Variants in CSAG1 observed in about 807,000 individuals in gnomAD.
CSAG1 encodes the protein chondrosarcoma associated gene 1.
In CSAG1, 4 loss-of-function variants were observed where a neutral mutation model predicts 4.8. The observed-to-expected ratio is 0.83, with a 90% CI of 0.41 to 1.90. The LOEUF (loss-of-function observed/expected upper bound fraction) is 1.90, where lower values mean the gene tolerates loss of function less well. Among genes scored for constraint, CSAG1 ranks in the 40% most tolerant of loss-of-function variants. The probability of loss-of-function intolerance (pLI) is 0.03; values close to 1 mark genes in which losing one functional copy is unlikely to be tolerated. For missense variants in CSAG1, 69 were observed against 59.5 expected, an observed-to-expected ratio of 1.16 and a Z score of -0.53; for synonymous variants, 21 against 23.1, an observed-to-expected ratio of 0.91 and a Z score of 0.26.
chrX:152,731,660 A>G (rs1932158027), intron 2 of CSAG1, among the ~76,000 whole-genome samples: 1 of 111,256 alleles, frequency 9.0e-6, no homozygotes, highest in Non-Finnish European at 1.9e-5. Context: ...TACCTTACCT[A>G]AATTAGTAGC....
chrX:152,730,395 T>C (rs868915512), intron 2 of CSAG1, among the ~76,000 whole-genome samples: 888 of 95,432 alleles, frequency 9.3e-3, no homozygotes, highest in African/African-American at 0.014. Context: ...AATACCAAGG[T>C]GATGGTATTA....
intron 2 of CSAG1, among the ~76,000 whole-genome samples, chrX:152,731,117 A>C (rs1454697596): frequency 8.9e-6 from 1 of 112,059 alleles, no homozygotes; most frequent in Admixed American, 9.5e-5. Context: ...CCACGTTATT[A>C]CAGAAGCTCA....
intron 2 of CSAG1, among the ~76,000 whole-genome samples, chrX:152,730,416 G>C (rs1932132745): frequency 9.0e-6 from 1 of 111,654 alleles, no homozygotes; most frequent in Non-Finnish European, 1.9e-5. Flanking sequence ...GGTAGAAGGT[G>C]GGGTATTTGG....
chrX:152,732,334 AG>A, intron 2 of CSAG1, 110 bp downstream of exon 2: 1 of 1,001,006 alleles, frequency 1.0e-6, no homozygotes, highest in Non-Finnish European at 1.3e-6. Flanking sequence ...TGACATATTC[AG>A]GAAAAAATAG....
intron 2 of CSAG1, among the ~76,000 whole-genome samples, chrX:152,730,271 T>C (rs1330694163): frequency 9.0e-6 from 1 of 111,522 alleles, no homozygotes; most frequent in Non-Finnish European, 1.9e-5. Context: ...GGGGGTTATC[T>C]GACAAGCACA....
chrX:152,728,135 T>A lies in CSAG1; in HGVS notation c.106A>T (p.Met36Leu). 8.3e-7 allele frequency: 1 copy of A among 1,211,027 alleles called. No homozygotes were observed. Among genetic ancestry groups the A allele is most frequent in the Non-Finnish European group, 1.1e-6 (1 of 895,187 alleles). The change falls in exon 3 of 4, where the codon ATG (methionine) becomes TTG (leucine). Residue 36 changes from methionine (M) to leucine (L), a missense_variant. Coordinates refer to ENST00000452779, the MANE Select transcript of CSAG1 (RefSeq NM_001102576.3). ...CTGGAGGCTCGTGGTTTCCTGGACA[T>A]CTTCACCAGACCAGTGTCTCTGTAC... ...RLYRDTGLVK[M>L]SRKPRASSPF...
intron 2 of CSAG1, among the ~76,000 whole-genome samples, chrX:152,731,824 T>C (rs1932161957): frequency 8.9e-6 from 1 of 112,090 alleles, no homozygotes. Flanking sequence ...TTTAAAGACA[T>C]TTAATGAGTT....
In CSAG1 at chrX:152,727,566, C is replaced by T. The variant is rs1932038903; in HGVS notation, c.*228G>A. On this transcript the variant is annotated 3_prime_UTR_variant, in exon 4 of 4. Transcript: ENST00000452779. ...TAAAACGTACTCTACACCCTGTTGG[C>T]TATTTATCTGGGGTTAGACTTCTGG... 4.3e-6 allele frequency: 2 copies of T among 460,492 alleles called. No individual in the cohort carries two copies. Among genetic ancestry groups the T allele is most frequent in the South Asian group, 6.5e-5 (2 of 30,583 alleles). 37.9% of individuals were successfully genotyped at this position (460,492 alleles called of 1,213,427 possible).
At chrX:152,732,718 TA>T (rs1252205120) in intron 1 of CSAG1, among the ~76,000 whole-genome samples, 2 of 111,957 alleles carry the variant, frequency 1.8e-5, no homozygotes, top group Admixed American at 1.9e-4. Flanking sequence ...ATGGGTAGAA[TA>T]AAAGTTTTAA....
At chrX:152,728,000 C>A in intron 3 of CSAG1, 74 bp downstream of exon 3, 1 of 1,210,162 alleles carries the variant, frequency 8.3e-7, no homozygotes, top group Non-Finnish European at 1.1e-6. Context: ...GGGTAGGAGT[C>A]AGAGCTTGGG....
At chrX:152,731,056 A>G (rs1401605285) in intron 2 of CSAG1, among the ~76,000 whole-genome samples, 2 of 112,629 alleles carry the variant, frequency 1.8e-5, no homozygotes, top group African/African-American at 3.2e-5. Flanking sequence ...TTCCTTTAAA[A>G]TGCATGTTAA....
intron 2 of CSAG1, among the ~76,000 whole-genome samples, chrX:152,728,497 G>A (rs1417773374): frequency 1.8e-5 from 2 of 111,651 alleles, no homozygotes; most frequent in East Asian, 2.8e-4. Flanking sequence ...ATCTTGCACC[G>A]TACAAAAATG....
chrX:152,728,189 G>T lies in CSAG1; in HGVS notation c.52C>A (p.Arg18=), dbSNP rs1556830822. 77 of 1,209,269 alleles carry T rather than the reference G, an allele frequency of 6.4e-5. 1 individual carries two copies. The highest frequency in any genetic ancestry group is 8.5e-5 in the Non-Finnish European group (76 of 894,844). ...WPAFTVLGEA[R]GDQVDWSRLY... is the part of the protein sequence containing the mutation. ...CTACTCCAGTCCACCTGGTCTCCCC[G>T]AGCTTCCCCCAGGACAGTGAAGGCA... The change falls in exon 3 of 4, where the codon CGG becomes AGG. Residue 18 remains arginine (R), a synonymous_variant. Coordinates refer to ENST00000452779, the MANE Select transcript of CSAG1 (RefSeq NM_001102576.3).
At chrX:152,731,121 A>C (rs1398142597) in intron 2 of CSAG1, among the ~76,000 whole-genome samples, 1 of 112,112 alleles carries the variant, frequency 8.9e-6, no homozygotes, top group Admixed American at 9.5e-5. Flanking sequence ...GTTATTACAG[A>C]AGCTCATATG....
At chrX:152,731,221 A>C (rs1374773327) in intron 2 of CSAG1, among the ~76,000 whole-genome samples, 1 of 111,712 alleles carries the variant, frequency 9.0e-6, no homozygotes, top group Non-Finnish European at 1.9e-5. Flanking sequence ...TCATAATATT[A>C]GTTTCTGTTA....
Position 152,727,796 on chromosome X carries a change from A to G in CSAG1, c.235T>C (p.Ter79GlnextTer33). ...KEVPGTKGSP[*>Q] ...GGTTTTTTTGAAGCGGTGGTCTTTT[A>G]GGGAGAGCCTTTTGTTCCTGGAACT... is the stretch of plus-strand genomic sequence containing the variant. Residue 79 changes from the stop codon to glutamine, a stop_lost, in exon 4 of 4, where the codon TAA (stop) becomes CAA (glutamine). Transcript: ENST00000452779. 1 of 1,210,377 alleles carries G rather than the reference A, an allele frequency of 8.3e-7. No homozygotes were observed. Among genetic ancestry groups the G allele is most frequent in the Non-Finnish European group, 1.1e-6 (1 of 894,482 alleles).
intron 2 of CSAG1, among the ~76,000 whole-genome samples, 168 bp downstream of exon 2, chrX:152,732,277 T>G (rs1932173018): frequency 8.9e-6 from 1 of 112,549 alleles, no homozygotes; most frequent in Non-Finnish European, 1.9e-5. Context: ...AATAGAAGTC[T>G]AATAAAAATG....
chrX:152,733,403 A>AC (rs1556227516), intron 1 of CSAG1, among the ~76,000 whole-genome samples: 55 of 111,726 alleles, frequency 4.9e-4, no homozygotes, highest in African/African-American at 1.4e-3. Flanking sequence ...CAGCCCTGGT[A>AC]AACTTAGGCA....
At chrX:152,731,108 C>A (rs1382398680) in intron 2 of CSAG1, among the ~76,000 whole-genome samples, 23 of 111,751 alleles carry the variant, frequency 2.1e-4, no homozygotes, top group South Asian at 1.5e-3. Context: ...AGATTGGCTC[C>A]ACGTTATTAC....
Sources: allele counts gnomAD v4.1 joint callset (sites outside exome capture counted in the v4.1 genomes callset), GRCh38; gene constraint gnomAD v4.1.1; transcripts MANE v1.5; gene names NCBI Gene and HGNC (gene_info 2026-07-23, HGNC 2026-07-21).